HLCS: variants seen among roughly 807,000 people sequenced by gnomAD.
HLCS encodes the protein holocarboxylase synthetase.
A neutral mutation model predicts 75.0 loss-of-function variants in HLCS; 53 were observed. The ratio of observed to expected loss-of-function variants is 0.71; its 90% CI spans 0.57 to 0.89. HLCS has a LOEUF of 0.89. HLCS is among the 40% of genes least tolerant of loss of function. HLCS has a pLI of 0.00. For synonymous variants in HLCS, 431 were observed against 428.6 expected, an observed-to-expected ratio of 1.01 and a Z score of -0.07; for missense variants, 966 against 1,074.0, an observed-to-expected ratio of 0.90 and a Z score of 1.41.
At chr21:36,821,029 G>A (rs947031335) in intron 6 of HLCS, among the ~76,000 whole-genome samples, 1 of 152,188 alleles carries the variant, frequency 6.6e-6, no homozygotes, top group Non-Finnish European at 1.5e-5. Flanking sequence ...GGTGTAAAAA[G>A]ACAAACCAAT....
intron 5 of HLCS, among the ~76,000 whole-genome samples, chr21:36,925,418 G>C (rs996536498): frequency 6.6e-6 from 1 of 152,194 alleles, no homozygotes. Context: ...AAAAATTCTT[G>C]TGCTCCCCAG....
intron 6 of HLCS, among the ~76,000 whole-genome samples, chr21:36,822,145 G>A (rs933021930): frequency 9.2e-5 from 14 of 152,208 alleles, no homozygotes; most frequent in African/African-American, 2.4e-4. Context: ...TCCTCGGCGA[G>A]GTGCAGTGGC....
intron 6 of HLCS, among the ~76,000 whole-genome samples, chr21:36,788,329 C>T (rs2060756125): frequency 6.6e-6 from 1 of 152,218 alleles, no homozygotes. Context: ...ACACCAACAC[C>T]GCACAGCGAC....
intron 2 of HLCS, among the ~76,000 whole-genome samples, chr21:36,957,988 G>T (rs1355536063): frequency 1.3e-5 from 2 of 151,486 alleles, no homozygotes; most frequent in Non-Finnish European, 2.9e-5. Context: ...AGCACTTTGG[G>T]AGGCCGAGGC....
rs908844351 is a variant in HLCS at position 36,842,781 on chromosome 21, T to C, written c.1892+54079A>G. Among the ~76,000 whole-genome samples, 2 of 152,124 alleles carry C rather than the reference T, an allele frequency of 1.3e-5. No individual in the cohort carries two copies. The highest frequency in any genetic ancestry group is 2.4e-5 in the African/African-American group (1 of 41,430). On this transcript the variant is annotated intron_variant, in intron 6 of 10. Transcript: ENST00000674895. The surrounding 1 kb of genome is among the most constrained non-coding windows in gnomAD (Gnocchi z 4.2). ...ACAACCAAAAAAACTATCTTTATTA[T>C]TGATAAAACAATTCAAGGCCACGAA...
intron 8 of HLCS, among the ~76,000 whole-genome samples, chr21:36,761,386 C>T (rs149788851): frequency 0.012 from 1,889 of 152,236 alleles, 28 homozygotes; most frequent in African/African-American, 0.043. Flanking sequence ...TGCCCTAAAA[C>T]AGTAGTTTAG....
intron 5 of HLCS, among the ~76,000 whole-genome samples, chr21:36,902,255 C>G (rs1460064201): frequency 1.3e-5 from 2 of 152,156 alleles, no homozygotes; most frequent in Non-Finnish European, 1.5e-5. Context: ...GGGGTGAAAG[C>G]AGGTTTTGTT....
At chr21:36,911,270 G>C (rs1415733631) in intron 5 of HLCS, among the ~76,000 whole-genome samples, 2 of 151,954 alleles carry the variant, frequency 1.3e-5, no homozygotes, top group Non-Finnish European at 2.9e-5. Flanking sequence ...CCCCTCCCCT[G>C]GCCTCTGGGT....
At chr21:36,881,737 A>G (rs2064225277) in intron 6 of HLCS, among the ~76,000 whole-genome samples, 1 of 152,212 alleles carries the variant, frequency 6.6e-6, no homozygotes, top group Non-Finnish European at 1.5e-5. Context: ...TCCGTGTTGG[A>G]AGGACACTTC....
intron 6 of HLCS, among the ~76,000 whole-genome samples, chr21:36,813,317 T>C (rs986140619): frequency 1.3e-5 from 2 of 152,198 alleles, no homozygotes; most frequent in Non-Finnish European, 2.9e-5. Context: ...TTTCCTGTAA[T>C]AATCTCACTC....
intron 6 of HLCS, among the ~76,000 whole-genome samples, chr21:36,789,374 T>C (rs1388075606): frequency 6.6e-6 from 1 of 152,232 alleles, no homozygotes; most frequent in Admixed American, 6.5e-5. Context: ...GTGAAAAACA[T>C]TCTTTTTAAA....
intron 6 of HLCS, among the ~76,000 whole-genome samples, chr21:36,781,477 A>T (rs1167877934): frequency 6.6e-6 from 1 of 151,952 alleles, no homozygotes; most frequent in African/African-American, 2.4e-5. Flanking sequence ...TATCTTACGT[A>T]TTTTATCTTA....
chr21:36,829,735 A>C (rs1245514856), intron 6 of HLCS, among the ~76,000 whole-genome samples: 1 of 152,140 alleles, frequency 6.6e-6, no homozygotes, highest in Non-Finnish European at 1.5e-5. Context: ...AACCTGAGAG[A>C]TCTCCCCACT....
chr21:36,964,509 A>G (rs955229443), intron 1 of HLCS, among the ~76,000 whole-genome samples: 2 of 152,234 alleles, frequency 1.3e-5, no homozygotes, highest in African/African-American at 4.8e-5. Context: ...ACGAACTAGA[A>G]TAGGAACTGT....
chr21:36,800,061 C>T lies in HLCS; in HGVS notation c.1893-32776G>A, dbSNP rs79331965. On this transcript the variant is annotated intron_variant, in intron 6 of 10. Transcript: ENST00000674895. ...TTCCACCATTTCCACATTTATGAAC[C>T]GTGATCAACATTAGACACTGAAAAC... Among the ~76,000 whole-genome samples, 10 of 152,132 alleles carry T rather than the reference C, an allele frequency of 6.6e-5. No homozygotes were observed. The East Asian group carries it at 1.9e-3, about 29-fold the overall frequency.
chr21:36,783,629 T>G (rs940376862), intron 6 of HLCS, among the ~76,000 whole-genome samples: 4 of 152,134 alleles, frequency 2.6e-5, no homozygotes, highest in Non-Finnish European at 5.9e-5. Flanking sequence ...CACCACAAAG[T>G]GCCATTACGT....
chr21:36,983,070 C>T (rs1407899293), intron 1 of HLCS, among the ~76,000 whole-genome samples: 3 of 152,088 alleles, frequency 2.0e-5, no homozygotes, highest in Non-Finnish European at 4.4e-5. Context: ...AAAACTCTGG[C>T]GTAAGCATGG....
intron 6 of HLCS, among the ~76,000 whole-genome samples, chr21:36,824,699 A>T (rs866831637): frequency 1.3e-5 from 2 of 152,218 alleles, no homozygotes; most frequent in African/African-American, 2.4e-5. Context: ...CTTCCTCCAC[A>T]GAGGGATTTT....
At chr21:36,909,353 T>A (rs2065602676) in intron 5 of HLCS, among the ~76,000 whole-genome samples, 3 of 152,206 alleles carry the variant, frequency 2.0e-5, no homozygotes, top group South Asian at 2.1e-4. Context: ...GTTGATTTTT[T>A]AAAAAAGCAA....
Sources: allele counts gnomAD v4.1 joint callset (sites outside exome capture counted in the v4.1 genomes callset), GRCh38; gene constraint gnomAD v4.1.1; non-coding constraint Gnocchi (gnomAD v3.1); transcripts MANE v1.5; gene names NCBI Gene and HGNC (gene_info 2026-07-23, HGNC 2026-07-21).